The following IFI44 variants were observed in gnomAD, a reference collection of about 807,000 sequenced individuals.
IFI44 encodes interferon-induced protein 44.
IFI44 carries 42 observed loss-of-function variants against 45.0 expected under a neutral mutation model. That is an observed-to-expected ratio of 0.93 (90% CI 0.73 to 1.21). The LOEUF (loss-of-function observed/expected upper bound fraction) is 1.21, where lower values mean the gene tolerates loss of function less well. IFI44 is among the 50% of genes most tolerant of loss of function. IFI44 has a pLI of 0.00. For synonymous variants in IFI44, 221 were observed against 188.6 expected, an observed-to-expected ratio of 1.17 and a Z score of -1.41; for missense variants, 623 against 525.8, an observed-to-expected ratio of 1.18 and a Z score of -1.81.
intron 7 of IFI44, among the ~76,000 whole-genome samples, chr1:78,662,171 A>G (rs761535088): frequency 1.1e-3 from 173 of 152,186 alleles, no homozygotes; most frequent in Non-Finnish European, 1.9e-3. Flanking sequence ...GTTGAGCACT[A>G]AGTATGTGAT....
At chr1:78,654,679 A>G (rs1299991162) in intron 3 of IFI44, among the ~76,000 whole-genome samples, 1 of 151,760 alleles carries the variant, frequency 6.6e-6, no homozygotes, top group East Asian at 1.9e-4. Context: ...ATATATTGTG[A>G]CTTATATATA....
rs547889411 is a variant in IFI44, at chr1:78,655,508, C to G, written c.837C>G (p.Tyr279Ter). Residue 279 changes from tyrosine to a stop codon, truncating the protein, a stop_gained, in exon 5 of 9, where the codon TAC becomes TAG. Transcript: ENST00000370747. LOFTEE classifies it high-confidence loss of function. The stretch of plus-strand genomic sequence containing the variant: ...TGAACGGTAACATTCGTGATAGATA[C>G]CAGGTAATATTTGACTAATGAGAAA... ...YILNGNIRDR[Y>*]QFNPMESIKL... 6.2e-7 allele frequency: 1 copy of G among 1,602,802 alleles called. No homozygotes were observed. Among genetic ancestry groups the G allele is most frequent in the South Asian group, 1.1e-5 (1 of 88,452 alleles).
chr1:78,660,137 T>G (rs1357040289), intron 6 of IFI44, among the ~76,000 whole-genome samples: 1 of 152,194 alleles, frequency 6.6e-6, no homozygotes, highest in Non-Finnish European at 1.5e-5. Context: ...ATAAGGGAAG[T>G]TTACTTGTGA....
chr1:78,660,676 A>G, intron 7 of IFI44, 22 bp downstream of exon 7: 1 of 1,469,660 alleles, frequency 6.8e-7, no homozygotes. Flanking sequence ...TGCCCTTCGT[A>G]AACACATTTT....
intron 5 of IFI44, among the ~76,000 whole-genome samples, chr1:78,655,848 T>C (rs1197905813): frequency 6.6e-6 from 1 of 152,136 alleles, no homozygotes; most frequent in African/African-American, 2.4e-5. Context: ...CAGAGATCCT[T>C]CTGACTTTTT....
At chr1:78,654,924 A>T (rs1647182489) in intron 3 of IFI44, 90 bp from the exon 4 acceptor site, 2 of 988,658 alleles carry the variant, frequency 2.0e-6, no homozygotes, top group African/African-American at 3.3e-5. Context: ...CAAAAATAAT[A>T]TCTATGAAAA....
At chr1:78,650,140 T>A in intron 1 of IFI44, 46 bp from the exon 2 acceptor site, 2 of 1,338,080 alleles carry the variant, frequency 1.5e-6, no homozygotes, top group Admixed American at 4.4e-5. Flanking sequence ...CTACATATTA[T>A]CTGTTTTTTA....
rs1483822843 is a variant in IFI44, at chr1:78,654,366, CAT to C, written c.494+90_494+91del. Reference sequence around the variant, plus strand: ...GGTCTCATCAATATAATTGGCAACACATATTATCACACATAACTTGTGGATCA... The same window carrying C: ...GGTCTCATCAATATAATTGGCAACACATTATCACACATAACTTGTGGATCA... On this transcript the variant is annotated intron_variant, in intron 3 of 8. Coordinates refer to ENST00000370747, the MANE Select transcript of IFI44 (RefSeq NM_006417.5). 1.9e-5 allele frequency: 13 copies of C among 693,658 alleles called. No individual in the cohort carries two copies. In the East Asian group the frequency reaches 3.5e-4, roughly 19 times the overall value. 43.0% of individuals were successfully genotyped at this position (693,658 alleles called of 1,614,324 possible).
At chr1:78,651,781 G>A (rs1351923781) in intron 2 of IFI44, among the ~76,000 whole-genome samples, 2 of 152,012 alleles carry the variant, frequency 1.3e-5, no homozygotes, top group East Asian at 1.9e-4. Flanking sequence ...TCATATAAGC[G>A]GGATTATGTA....
intron 5 of IFI44, among the ~76,000 whole-genome samples, chr1:78,656,181 G>A (rs139626416): frequency 1.3e-5 from 2 of 152,240 alleles, no homozygotes; most frequent in Admixed American, 6.5e-5. Context: ...TTAAGCACCC[G>A]ATCTGTATAA....
intron 2 of IFI44, among the ~76,000 whole-genome samples, chr1:78,653,278 C>T (rs1647151961): frequency 2.0e-5 from 3 of 152,016 alleles, no homozygotes; most frequent in Admixed American, 2.0e-4. Flanking sequence ...GTTCATATTG[C>T]TATTTCCTAT....
chr1:78,654,286 C>A lies in IFI44; in HGVS notation c.494+7C>A, dbSNP rs774774867. ...AGATAAAAGGGGTCATTGAGTAAGTCAATGTTTTTAAGATTCTATTACTCT... is the reference window on the plus strand; with the variant it reads ...AGATAAAAGGGGTCATTGAGTAAGTAAATGTTTTTAAGATTCTATTACTCT... On this transcript the variant is annotated splice_region_variant and intron_variant, in intron 3 of 8. Transcript: ENST00000370747. 1.3e-5 allele frequency: 19 copies of A among 1,426,718 alleles called. No individual in the cohort carries two copies. The South Asian group carries it at 2.1e-4, about 16-fold the overall frequency. The allele number at this position is 1,426,718 out of a possible 1,614,324, so 88.4% of individuals were successfully genotyped here. A position where few individuals can be genotyped will look rare whatever the true frequency, so the allele number is the denominator to read the frequency against.
rs2070123 is a variant in IFI44, at chr1:78,650,220, T to A, written c.25T>A (p.Trp9Arg). The part of the protein sequence containing the change: MAVTTRLT[W>R]LHEKILQNHF... Reference sequence around the variant, plus strand: ...TATGGCAGTGACAACTCGTTTGACATGGTTGCACGAAAAGATCCTGCAAAA... The same window carrying A: ...TATGGCAGTGACAACTCGTTTGACAAGGTTGCACGAAAAGATCCTGCAAAA... The change falls in exon 2 of 9, where the codon TGG becomes AGG. Residue 9 changes from tryptophan to arginine, a missense_variant. By Grantham distance (101) the Trp-to-Arg change is moderately radical (BLOSUM62 -3). Coordinates refer to ENST00000370747, the MANE Select transcript of IFI44 (RefSeq NM_006417.5). 2.5e-6 allele frequency: 4 copies of A among 1,605,722 alleles called. No homozygotes were observed. Among genetic ancestry groups the A allele is most frequent in the Non-Finnish European group, 3.4e-6 (4 of 1,173,190 alleles).
chr1:78,661,736 A>T (rs571156566), intron 7 of IFI44, among the ~76,000 whole-genome samples: 1 of 152,184 alleles, frequency 6.6e-6, no homozygotes, highest in African/African-American at 2.4e-5. Context: ...GAAGGAAAGT[A>T]TAGTGTTAAA....
chr1:78,656,730 C>A (rs1647219045), intron 5 of IFI44, among the ~76,000 whole-genome samples: 1 of 149,092 alleles, frequency 6.7e-6, no homozygotes. Context: ...TATATTTACA[C>A]TTTATACTGA....
At chr1:78,655,942 G>C (rs1229094297) in intron 5 of IFI44, among the ~76,000 whole-genome samples, 2 of 152,146 alleles carry the variant, frequency 1.3e-5, no homozygotes, top group African/African-American at 4.8e-5. Context: ...ATGGTATTTG[G>C]AGGTAGCGAC....
intron 4 of IFI44, 38 bp from the exon 5 acceptor site, chr1:78,655,324 A>C: frequency 6.4e-7 from 1 of 1,567,932 alleles, no homozygotes; most frequent in Non-Finnish European, 8.6e-7. Context: ...TTTATAATAA[A>C]AAATGAATCT....
At chr1:78,662,502 T>C in intron 7 of IFI44, 2 of 542,402 alleles carry the variant, frequency 3.7e-6, no homozygotes, top group Non-Finnish European at 6.5e-6. Flanking sequence ...CCACTGCATG[T>C]ATTCCAAATT....
Position 78,653,649 on chromosome 1 carries a change from C to T in IFI44, c.458-594C>T, listed in dbSNP as rs558040733. ...TTATTGATCTGAATGAAATCCACTG[C>T]TTACCCCTGAACAATTTACTGTGCT... is the stretch of plus-strand genomic sequence containing the variant. On this transcript the variant is annotated intron_variant, in intron 2 of 8. Transcript: ENST00000370747. Among the ~76,000 whole-genome samples, 4 of 152,296 alleles carry T rather than the reference C, an allele frequency of 2.6e-5. 1 individual carries two copies. The highest frequency in any genetic ancestry group is 4.1e-4 in the South Asian group (2 of 4,830).
Sources: gnomAD v4.1 joint callset for allele counts (sites outside exome capture counted in the v4.1 genomes callset) on GRCh38, gnomAD v4.1.1 for gene constraint, MANE v1.5 for transcripts, NCBI Gene and HGNC (gene_info 2026-07-23, HGNC 2026-07-21) for gene names.